ZNF850: variants seen among roughly 807,000 people sequenced by gnomAD.
ZNF850 encodes the protein putative zinc finger protein ENSP00000330994.
Under a neutral mutation model 11.9 loss-of-function variants are expected in ZNF850, and 2 were observed. That is an observed-to-expected ratio of 0.17 (90% confidence interval 0.07 to 0.53). The LOEUF (loss-of-function observed/expected upper bound fraction) is 0.53, where lower values mean the gene tolerates loss of function less well. ZNF850 is among the 20% of genes least tolerant of loss of function. ZNF850 has a pLI of 0.94. For synonymous variants in ZNF850, 381 were observed against 443.0 expected, an observed-to-expected ratio of 0.86 and a Z score of 1.76; for missense variants, 1,014 against 1,316.4, an observed-to-expected ratio of 0.77 and a Z score of 3.55.
intron 1 of ZNF850, 130 bp from the exon 2 acceptor site, chr19:36,762,805 C>T (rs1347811845): frequency 3.4e-6 from 2 of 583,782 alleles, no homozygotes; most frequent in Admixed American, 6.6e-5. Flanking sequence ...ATGCAAATTA[C>T]TATTTACAAC....
chr19:36,753,190 A>C (rs2040463563), intron 4 of ZNF850, among the ~76,000 whole-genome samples: 1 of 150,686 alleles, frequency 6.6e-6, no homozygotes, highest in Non-Finnish European at 1.5e-5. Flanking sequence ...AATTGCTTAA[A>C]TCCAGGAGAC....
Position 36,747,813 on chromosome 19 carries a change from T to C in ZNF850, c.3227A>G (p.Gln1076Arg). Residue 1076 changes from glutamine (Q) to arginine (R), a missense_variant, in exon 5 of 5, where the codon CAG becomes CGG. Physicochemically the swap from Gln to Arg is conservative, Grantham distance 43. Transcript: ENST00000591344. ...ECKTCGKAFK[Q>R]LTQLTRHQRI... is the part of the protein sequence containing the mutation. The stretch of plus-strand genomic sequence containing the variant: ...CTGATGTCGAGTAAGCTGTGTAAGC[T>C]GTTTAAAGGCCTTCCCACATGTCTT... 2 of 1,565,618 alleles carry C rather than the reference T, an allele frequency of 1.3e-6. No individual in the cohort carries two copies. Among genetic ancestry groups the C allele is most frequent in the Non-Finnish European group, 8.6e-7 (1 of 1,160,038 alleles).
At position 36,762,633 on chromosome 19, in the gene ZNF850, C is replaced by T; in HGVS notation, c.-27G>A. 6.5e-7 allele frequency: 1 copy of T among 1,534,934 alleles called. No individual in the cohort carries two copies. Among genetic ancestry groups the T allele is most frequent in the Non-Finnish European group, 8.7e-7 (1 of 1,145,866 alleles). ...AATATTCCTGTTGCAGCCAGCAAAC[C>T]TCCTTCATAGAATGGGACATTCCGA... On this transcript the variant is annotated 5_prime_UTR_variant, in exon 2 of 5. Coordinates refer to ENST00000591344, the MANE Select transcript of ZNF850 (RefSeq NM_001193552.2).
At chr19:36,771,197 C>G (rs1360728967) in intron 1 of ZNF850, among the ~76,000 whole-genome samples, 1 of 152,126 alleles carries the variant, frequency 6.6e-6, no homozygotes, top group Admixed American at 6.6e-5. Flanking sequence ...GTTTAATAAG[C>G]AAAAGAAGAA....
intron 4 of ZNF850, among the ~76,000 whole-genome samples, chr19:36,753,887 A>G (rs772494362): frequency 2.5e-4 from 38 of 152,162 alleles, no homozygotes; most frequent in Non-Finnish European, 4.0e-4. Context: ...CAACTTCCAA[A>G]TCAGTGGAAT....
Position 36,749,979 on chromosome 19 carries a change from C to A in ZNF850, c.1061G>T (p.Arg354Leu), listed in dbSNP as rs546527179. 6.4e-7 allele frequency: 1 copy of A among 1,556,948 alleles called. No individual in the cohort carries two copies. Among genetic ancestry groups the A allele is most frequent in the Admixed American group, 1.9e-5 (1 of 52,246 alleles). Residue 354 changes from arginine (R) to leucine (L), a missense_variant, in exon 5 of 5, where the codon CGA becomes CTA. Arg to Leu is a moderately radical substitution (Grantham distance 102, BLOSUM62 -2). This residue lies in a region of ZNF850 where 835 missense variants were observed against 1,022.0 expected (regional missense o/e 0.82). Coordinates refer to ENST00000591344, the MANE Select transcript of ZNF850 (RefSeq NM_001193552.2). ...KSFASGSALIRHQRIHTGEKP... is the reference protein window; with the variant it reads ...KSFASGSALILHQRIHTGEKP... Reference sequence around the variant, plus strand: ...CTCACCAGTGTGAATTCGCTGATGTCGAATTAGTGCTGAGCCTGAAGCAAA... The same window carrying A: ...CTCACCAGTGTGAATTCGCTGATGTAGAATTAGTGCTGAGCCTGAAGCAAA...
At chr19:36,759,804 G>A (rs1423761443) in intron 4 of ZNF850, among the ~76,000 whole-genome samples, 1 of 152,088 alleles carries the variant, frequency 6.6e-6, no homozygotes, top group Non-Finnish European at 1.5e-5. Context: ...TTTTAAAATG[G>A]ATAGTTTGCA....
chr19:36,755,834 GA>G (rs1299995837), intron 4 of ZNF850, among the ~76,000 whole-genome samples: 1 of 150,146 alleles, frequency 6.7e-6, no homozygotes, highest in African/African-American at 2.4e-5. Context: ...AATGCTTAAA[GA>G]AGTTAGAAAG....
At chr19:36,763,951 A>G (rs1173860027) in intron 1 of ZNF850, among the ~76,000 whole-genome samples, 2 of 151,796 alleles carry the variant, frequency 1.3e-5, no homozygotes, top group Non-Finnish European at 2.9e-5. Context: ...CAAACAAACA[A>G]ACAAACAAAC....
intron 1 of ZNF850, 150 bp downstream of exon 1, chr19:36,772,575 C>G (rs1044027931): frequency 1.0e-4 from 16 of 153,200 alleles, no homozygotes; most frequent in Admixed American, 2.6e-4. Flanking sequence ...CGGGCGCGCA[C>G]AGTCACAAGC....
chr19:36,754,283 C>A (rs1040951103), intron 4 of ZNF850, among the ~76,000 whole-genome samples: 2 of 150,466 alleles, frequency 1.3e-5, no homozygotes, highest in Non-Finnish European at 3.0e-5. Context: ...CATGAGGACA[C>A]AAAAAAGTTG....
In ZNF850 at chr19:36,749,431, C is replaced by T; in HGVS notation, c.1609G>A (p.Glu537Lys). The T allele has an allele frequency of 1.3e-6, 2 of 1,550,026 alleles. No individual in the cohort carries two copies. The highest frequency in any genetic ancestry group is 1.7e-6 in the Non-Finnish European group (2 of 1,152,502). The change falls in exon 5 of 5, where the codon GAA becomes AAA. Residue 537 changes from glutamate (E) to lysine (K), a missense_variant. By Grantham distance (56) the Glu-to-Lys change is moderately conservative. Around this residue, in one of 2 missense-constraint regions of ZNF850, gnomAD observed 835 missense variants for 1,022.0 expected, o/e 0.82. Coordinates refer to ENST00000591344, the MANE Select transcript of ZNF850 (RefSeq NM_001193552.2). ...CGAAAAGTAAAAGATTTTCCACATT[C>T]CTTACAATGATAGGGTTTCTCACCA... ...HTGEKPYHCK[E>K]CGKSFTFRSG... is the part of the protein sequence containing the mutation.
Position 36,748,989 on chromosome 19 carries a change from T to C in ZNF850, c.2051A>G (p.Gln684Arg). 1 of 1,605,358 alleles carries C rather than the reference T, an allele frequency of 6.2e-7. No individual in the cohort carries two copies. The highest frequency in any genetic ancestry group is 8.5e-7 in the Non-Finnish European group (1 of 1,176,738). Residue 684 changes from glutamine to arginine, a missense_variant, in exon 5 of 5, where the codon CAG (glutamine) becomes CGG (arginine). Physicochemically the swap from Gln to Arg is conservative, Grantham distance 43. Transcript: ENST00000591344. ...ECPDCGKAFR[Q>R]RTYLNQHRRI... ...CCGATGTTGATTAAGGTATGTACGC[T>C]GTCTAAAGGCCTTCCCACAGTCCGG...
At chr19:36,754,855 G>A (rs562062193) in intron 4 of ZNF850, among the ~76,000 whole-genome samples, 2 of 152,046 alleles carry the variant, frequency 1.3e-5, no homozygotes, top group Non-Finnish European at 2.9e-5. Context: ...ACGCACGGCT[G>A]ATTGTGGGAG....
rs1405191434 is a variant in ZNF850, at chr19:36,750,726, C to A, written c.314G>T (p.Arg105Ile). 5.9e-6 allele frequency: 9 copies of A among 1,536,112 alleles called. No individual in the cohort carries two copies. The highest frequency in any genetic ancestry group is 1.4e-5 in the African/African-American group (1 of 73,020). The change falls in exon 5 of 5, where the codon AGA becomes ATA. Residue 105 changes from arginine to isoleucine, a missense_variant. Arg to Ile is a moderately conservative substitution (Grantham distance 97). This residue lies in a region of ZNF850 where 835 missense variants were observed against 1,022.0 expected (regional missense o/e 0.82). Coordinates refer to ENST00000591344, the MANE Select transcript of ZNF850 (RefSeq NM_001193552.2). ...CACAAGGCTATGACATTTTTCCATT[C>A]TCACCCACTGAGATGATGTTACTTC... is the stretch of plus-strand genomic sequence containing the variant. ...IYEVTSSQWV[R>I]MEKCHSLVGS...
At chr19:36,754,835 G>A (rs976775942) in intron 4 of ZNF850, among the ~76,000 whole-genome samples, 7 of 151,982 alleles carry the variant, frequency 4.6e-5, no homozygotes, top group Non-Finnish European at 5.9e-5. Flanking sequence ...GATTACAGGC[G>A]TGAGCGACCA....
chr19:36,764,371 A>G (rs1301976746), intron 1 of ZNF850, among the ~76,000 whole-genome samples: 1 of 152,234 alleles, frequency 6.6e-6, no homozygotes, highest in Non-Finnish European at 1.5e-5. Context: ...ACACCTGGTC[A>G]TGGGTCAGAC....
rs117648594 is a variant in ZNF850 at position 36,768,482 on chromosome 19, T to C, written c.-70+4243A>G. On this transcript the variant is annotated intron_variant, in intron 1 of 4. Transcript: ENST00000591344. ...AAATGCAATTGCTCTCTTTCAAACA[T>C]AGTTTTAATTAGTTGTACAAAATGC... Among the ~76,000 whole-genome samples the C allele has an allele frequency of 2.6e-4, 39 of 152,292 alleles. 1 individual carries two copies. The East Asian group carries it at 6.8e-3, about 27-fold the overall frequency.
chr19:36,761,903 G>C (rs1310788265), intron 3 of ZNF850, among the ~76,000 whole-genome samples, 165 bp from the exon 4 acceptor site: 3 of 151,786 alleles, frequency 2.0e-5, no homozygotes, highest in African/African-American at 7.3e-5. Flanking sequence ...AAAATTGGCT[G>C]GGCATGGTGG....
Sources: allele counts gnomAD v4.1 joint callset (sites outside exome capture counted in the v4.1 genomes callset), GRCh38; gene constraint gnomAD v4.1.1; regional missense constraint gnomAD v4.1.1; transcripts MANE v1.5; gene names NCBI Gene and HGNC (gene_info 2026-07-23, HGNC 2026-07-21).